CRYBG1: variants seen among roughly 807,000 people sequenced by gnomAD.
The protein encoded by CRYBG1 is crystallin beta-gamma domain containing 1, also known as beta/gamma crystallin domain-containing protein 1.
CRYBG1 carries 139 observed loss-of-function variants against 189.2 expected under a neutral mutation model. The ratio of observed to expected loss-of-function variants is 0.73; its 90% confidence interval spans 0.64 to 0.85. The LOEUF (loss-of-function observed/expected upper bound fraction) is 0.85. Ranked by LOEUF, CRYBG1 falls within the 40% of genes least tolerant of loss-of-function variation. CRYBG1 has a pLI of 0.00. For synonymous variants in CRYBG1, 1,023 were observed against 1,017.1 expected, an observed-to-expected ratio of 1.01 and a Z score of -0.11; for missense variants, 2,611 against 2,675.8, an observed-to-expected ratio of 0.98 and a Z score of 0.53.
chr6:106,568,459 T>C lies in CRYBG1; in HGVS notation c.6302-13T>C, dbSNP rs754263342. 1 of 1,599,080 alleles carries C rather than the reference T, an allele frequency of 6.3e-7. No homozygotes were observed. Among genetic ancestry groups the C allele is most frequent in the Non-Finnish European group, 8.6e-7 (1 of 1,166,484 alleles). On this transcript the variant is annotated splice_polypyrimidine_tract_variant and intron_variant, in intron 21 of 21. Transcript: ENST00000633556. ...TGGGTACATTCATCTTTTATTATTT[T>C]CCTTTCTTTTAGGGGGCACACAGTA...
chr6:106,541,895 A>AT (rs1456059841), intron 10 of CRYBG1, among the ~76,000 whole-genome samples: 11 of 152,134 alleles, frequency 7.2e-5, no homozygotes, highest in African/African-American at 2.7e-4. Context: ...ATATTGAGTT[A>AT]ACAATTTGCA....
chr6:106,526,028 G>A (rs530491270), intron 6 of CRYBG1, among the ~76,000 whole-genome samples: 1 of 152,154 alleles, frequency 6.6e-6, no homozygotes, highest in African/African-American at 2.4e-5. Context: ...CAGCTTCATT[G>A]CCTCTTGGAG....
rs183834179 is a variant in CRYBG1 at position 106,396,896 on chromosome 6, G to T, written c.173+35815G>T. ...GAGGTTTCACCATGTTGGCCAAGCT[G>T]ATCTCGAACTCCTGACCTTGTGATC... On this transcript the variant is annotated intron_variant, in intron 1 of 21. Transcript: ENST00000633556. Among the ~76,000 whole-genome samples the T allele has an allele frequency of 1.4e-3, 219 of 152,298 alleles. 2 individuals are homozygous for T. Among genetic ancestry groups the T allele is most frequent in the Non-Finnish European group, 2.2e-3 (147 of 68,030 alleles).
chr6:106,375,039 G>T (rs1052573140), intron 1 of CRYBG1, among the ~76,000 whole-genome samples: 3 of 152,052 alleles, frequency 2.0e-5, no homozygotes, highest in Non-Finnish European at 4.4e-5. Flanking sequence ...CCTTTTTGAT[G>T]GTTAAAGTTT....
At chr6:106,547,646 TA>T (rs1482118352) in intron 13 of CRYBG1, among the ~76,000 whole-genome samples, 1 of 152,252 alleles carries the variant, frequency 6.6e-6, no homozygotes, top group African/African-American at 2.4e-5. Flanking sequence ...CTTGGTTCTT[TA>T]TTTCTTATTA....
At chr6:106,436,679 A>G (rs905521792) in intron 1 of CRYBG1, among the ~76,000 whole-genome samples, 8 of 147,898 alleles carry the variant, frequency 5.4e-5, no homozygotes, top group African/African-American at 2.0e-4. Context: ...CATAATATGG[A>G]CATGCAATAA....
intron 1 of CRYBG1, among the ~76,000 whole-genome samples, chr6:106,399,858 C>T (rs933419116): frequency 9.2e-5 from 14 of 151,632 alleles, no homozygotes; most frequent in South Asian, 6.2e-4. Context: ...TATCTCCGGC[C>T]GGGTGCGGTG....
rs143818644 is a variant in CRYBG1 at position 106,403,852 on chromosome 6, A to T, written c.173+42771A>T. Among the ~76,000 whole-genome samples, 58 of 152,378 alleles carry T rather than the reference A, an allele frequency of 3.8e-4. 2 individuals are homozygous for T. In the East Asian group the frequency reaches 7.5e-3, roughly 20 times the overall value. ...AAATAGCAACTTGAGGTGATCTAAG[A>T]AAGGTCAAAACATGGTAGCTTAAAA... On this transcript the variant is annotated intron_variant, in intron 1 of 21. Transcript: ENST00000633556.
chr6:106,483,407 A>ATATG (rs1233190699), intron 2 of CRYBG1, among the ~76,000 whole-genome samples: 1 of 133,588 alleles, frequency 7.5e-6, no homozygotes, highest in Non-Finnish European at 1.6e-5. Context: ...TATATAAAAC[A>ATATG]TTTTCTTTAT....
chr6:106,561,520 G>A lies in CRYBG1; in HGVS notation c.6138+20G>A, dbSNP rs199666296. 2.6e-4 allele frequency: 422 copies of A among 1,603,664 alleles called. No homozygotes were observed. Among genetic ancestry groups the A allele is most frequent in the Non-Finnish European group, 3.4e-4 (401 of 1,173,346 alleles). ...TGCAGGGTGAGCTTTAGGATTCCAC[G>A]GGGGCCTGTGATGGCTTTGCTAGGA... On this transcript the variant is annotated intron_variant, in intron 20 of 21. Coordinates refer to ENST00000633556, the MANE Select transcript of CRYBG1 (RefSeq NM_001371242.2).
chr6:106,530,647 G>A (rs1370330547), intron 8 of CRYBG1, among the ~76,000 whole-genome samples: 1 of 149,462 alleles, frequency 6.7e-6, no homozygotes, highest in Admixed American at 6.7e-5. Flanking sequence ...GTAATTCAAA[G>A]CACATGCCCC....
Position 106,469,200 on chromosome 6 carries a change from G to T in CRYBG1, c.312+17368G>T, listed in dbSNP as rs1461539834. On this transcript the variant is annotated intron_variant, in intron 2 of 21. Coordinates refer to ENST00000633556, the MANE Select transcript of CRYBG1 (RefSeq NM_001371242.2). ...ATTACCTATTGGCTCTGCCTAGAAT[G>T]CACTTGCCCCTGTCCTCACAGAACT... Among the ~76,000 whole-genome samples, 3 of 152,158 alleles carry T rather than the reference G, an allele frequency of 2.0e-5. No homozygotes were observed. In the East Asian group the frequency reaches 5.8e-4, roughly 29 times the overall value.
At chr6:106,432,735 G>C (rs1386502067) in intron 1 of CRYBG1, among the ~76,000 whole-genome samples, 1 of 152,054 alleles carries the variant, frequency 6.6e-6, no homozygotes, top group East Asian at 1.9e-4. Context: ...CCTTGATTTG[G>C]CCTTTGAGGC....
At chr6:106,568,426 C>T in intron 21 of CRYBG1, 46 bp from the exon 22 acceptor site, 1 of 1,468,200 alleles carries the variant, frequency 6.8e-7, no homozygotes, top group Non-Finnish European at 9.5e-7. Context: ...GCTATAGACC[C>T]TTCACCATGG....
chr6:106,458,482 C>A (rs910935151), intron 2 of CRYBG1, among the ~76,000 whole-genome samples: 9 of 152,248 alleles, frequency 5.9e-5, no homozygotes, highest in African/African-American at 1.9e-4. Flanking sequence ...ACTTATTGTA[C>A]TGATTTACAA....
At chr6:106,454,377 CACT>C (rs1562311692) in intron 2 of CRYBG1, among the ~76,000 whole-genome samples, 2 of 152,200 alleles carry the variant, frequency 1.3e-5, no homozygotes, top group African/African-American at 4.8e-5. Flanking sequence ...ACACACACCC[CACT>C]ACCACCTCCC....
chr6:106,374,557 T>A (rs938721891), intron 1 of CRYBG1, among the ~76,000 whole-genome samples: 2 of 152,032 alleles, frequency 1.3e-5, no homozygotes, highest in African/African-American at 4.8e-5. Flanking sequence ...GACGTCTCGC[T>A]GAAAACAAAC....
At chr6:106,559,237 T>C (rs1774638131) in intron 18 of CRYBG1, among the ~76,000 whole-genome samples, 1 of 152,146 alleles carries the variant, frequency 6.6e-6, no homozygotes, top group African/African-American at 2.4e-5. Flanking sequence ...AGTCCTCTGA[T>C]TTTGGAGCTC....
intron 1 of CRYBG1, among the ~76,000 whole-genome samples, chr6:106,436,022 T>G (rs9400002): frequency 7.2e-5 from 11 of 152,176 alleles, no homozygotes; most frequent in African/African-American, 2.4e-4. Context: ...TTTTATTAAA[T>G]TATGTAAAAA....
Sources: allele counts gnomAD v4.1 joint callset (sites outside exome capture counted in the v4.1 genomes callset), GRCh38; gene constraint gnomAD v4.1.1; transcripts MANE v1.5; gene names NCBI Gene and HGNC (gene_info 2026-07-23, HGNC 2026-07-21).